NRXN3: variants seen among roughly 807,000 people sequenced by gnomAD.
NRXN3 encodes neurexin 3, also known as neurexin III.
A neutral mutation model predicts 137.6 loss-of-function variants in NRXN3; 32 were observed. That is an observed-to-expected ratio of 0.23 (90% CI 0.18 to 0.31). The LOEUF is 0.31. Among genes scored for constraint, NRXN3 ranks in the 10% least tolerant of loss-of-function variants. The pLI is 1.00. For synonymous variants in NRXN3, 798 were observed against 784.5 expected (o/e 1.02, Z -0.29); for missense variants, 1,574 against 2,062.5 (o/e 0.76, Z 4.59).
At chr14:79,143,514 G>A (rs191719874) in intron 15 of NRXN3, among the ~76,000 whole-genome samples, 144 of 152,324 alleles carry the variant, frequency 9.5e-4, no homozygotes, top group Middle Eastern at 6.8e-3. Context: ...TTCTGACATG[G>A]TACCTTCTTA....
At chr14:78,506,721 A>G (rs1390353940) in intron 4 of NRXN3, among the ~76,000 whole-genome samples, 1 of 135,498 alleles carries the variant, frequency 7.4e-6, no homozygotes, top group African/African-American at 2.8e-5. Flanking sequence ...GGCAATGGCT[A>G]TTCACAGGCA....
intron 15 of NRXN3, among the ~76,000 whole-genome samples, chr14:79,288,285 G>C (rs2082614398): frequency 6.6e-6 from 1 of 152,220 alleles, no homozygotes; most frequent in Admixed American, 6.5e-5. Flanking sequence ...AATAATGCTA[G>C]AAAGGAGCTC....
At chr14:79,707,356 G>A (rs1256797341) in intron 19 of NRXN3, among the ~76,000 whole-genome samples, 2 of 152,214 alleles carry the variant, frequency 1.3e-5, no homozygotes, top group African/African-American at 4.8e-5. Context: ...TTAGGAGGAA[G>A]CAGCCTGGTA....
chr14:79,306,019 T>C (rs1238847098), intron 15 of NRXN3, among the ~76,000 whole-genome samples: 2 of 152,086 alleles, frequency 1.3e-5, no homozygotes, highest in South Asian at 2.1e-4. Flanking sequence ...CAGTGTGAAA[T>C]AGCCACCAGG....
At chr14:78,600,814 C>G (rs1190827786) in intron 4 of NRXN3, among the ~76,000 whole-genome samples, 1 of 152,220 alleles carries the variant, frequency 6.6e-6, no homozygotes, top group Non-Finnish European at 1.5e-5. Flanking sequence ...CTCTGCTCCA[C>G]AAAAGTCACT....
At chr14:78,849,076 A>G (rs972665330) in intron 10 of NRXN3, among the ~76,000 whole-genome samples, 3 of 152,244 alleles carry the variant, frequency 2.0e-5, no homozygotes, top group Middle Eastern at 3.4e-3. Context: ...TTTAATATCA[A>G]TTGAATCACA....
At chr14:78,649,332 T>A in intron 5 of NRXN3, 2 of 1,307,652 alleles carry the variant, frequency 1.5e-6, no homozygotes, top group African/African-American at 1.5e-5. Flanking sequence ...ATTCTTATTG[T>A]CTCTTTTTTT....
intron 8 of NRXN3, among the ~76,000 whole-genome samples, chr14:78,754,572 TC>T (rs1250756563): frequency 2.6e-4 from 40 of 152,330 alleles, no homozygotes; most frequent in African/African-American, 9.4e-4. Context: ...ATCCCACTCT[TC>T]AGTTAGTTCC....
chr14:78,219,959 G>C (rs1596031244), intron 1 of NRXN3, among the ~76,000 whole-genome samples: 1 of 152,112 alleles, frequency 6.6e-6, no homozygotes, highest in African/African-American at 2.4e-5. Context: ...GTATAGAAGA[G>C]AAAAGGAGAG....
chr14:79,258,266 C>CTGTG (rs2077065273), intron 15 of NRXN3, among the ~76,000 whole-genome samples: 2 of 152,118 alleles, frequency 1.3e-5, no homozygotes, highest in African/African-American at 4.8e-5. Context: ...GGTGTGATCT[C>CTGTG]AGCTCACTGT....
chr14:79,161,825 G>A (rs973962371), intron 15 of NRXN3, among the ~76,000 whole-genome samples: 3 of 151,888 alleles, frequency 2.0e-5, no homozygotes, highest in African/African-American at 7.2e-5. Flanking sequence ...GACACAGGGT[G>A]CAAAGGAAAG....
chr14:78,730,555 T>C (rs1374514707), intron 8 of NRXN3, among the ~76,000 whole-genome samples: 3 of 152,182 alleles, frequency 2.0e-5, no homozygotes, highest in Admixed American at 6.5e-5. Context: ...ATGACTTGAC[T>C]CAGGGCTGTT....
At chr14:78,577,340 A>T (rs2096946294) in intron 4 of NRXN3, among the ~76,000 whole-genome samples, 1 of 152,372 alleles carries the variant, frequency 6.6e-6, no homozygotes, top group Non-Finnish European at 1.5e-5. Context: ...ATACAATATT[A>T]TTCCAAAGAT....
intron 16 of NRXN3, among the ~76,000 whole-genome samples, chr14:79,542,617 C>G (rs1163258629): frequency 6.6e-6 from 1 of 152,178 alleles, no homozygotes; most frequent in Admixed American, 6.6e-5. Flanking sequence ...TGAAGAAAGA[C>G]CCCACAGTCC....
At chr14:78,255,500 C>T (rs1370468099) in intron 2 of NRXN3, among the ~76,000 whole-genome samples, 2 of 152,216 alleles carry the variant, frequency 1.3e-5, no homozygotes, top group East Asian at 1.9e-4. Context: ...ATTTTTTCCT[C>T]GTGTAGAATA....
intron 10 of NRXN3, among the ~76,000 whole-genome samples, chr14:78,882,125 T>C (rs762074323): frequency 6.6e-6 from 1 of 151,886 alleles, no homozygotes; most frequent in Non-Finnish European, 1.5e-5. Context: ...TTTGGTGAAC[T>C]TCTGCCTAGA....
intron 4 of NRXN3, among the ~76,000 whole-genome samples, chr14:78,634,746 G>A (rs2097552161): frequency 6.6e-6 from 1 of 152,014 alleles, no homozygotes; most frequent in African/African-American, 2.4e-5. Context: ...GAAGTTGATG[G>A]GGAGATTTTC....
intron 15 of NRXN3, among the ~76,000 whole-genome samples, chr14:79,388,296 T>C (rs2094712547): frequency 6.6e-6 from 1 of 151,962 alleles, no homozygotes; most frequent in Admixed American, 6.6e-5. Flanking sequence ...CAACTACACA[T>C]CTTTAAAAAA....
In NRXN3 at chr14:78,632,440, G is replaced by A. The variant is rs138122969; in HGVS notation, c.758-12680G>A. Among the ~76,000 whole-genome samples the A allele has an allele frequency of 1.6e-3, 245 of 151,980 alleles. 1 individual carries two copies. The Middle Eastern group carries it at 0.031, about 19-fold the overall frequency. ...TTTTTTTTAAAGAAATGAATAGCTCGTCTCCCACAGGCATATTATTGACAG... is the reference window on the plus strand; with the variant it reads ...TTTTTTTTAAAGAAATGAATAGCTCATCTCCCACAGGCATATTATTGACAG... On this transcript the variant is annotated intron_variant, in intron 4 of 20. Transcript: ENST00000335750.
Sources: gnomAD v4.1 joint callset for allele counts (sites outside exome capture counted in the v4.1 genomes callset) on GRCh38, gnomAD v4.1.1 for gene constraint, MANE v1.5 for transcripts, NCBI Gene and HGNC (gene_info 2026-07-23, HGNC 2026-07-21) for gene names.